AMPH: variants seen among roughly 807,000 people sequenced by gnomAD.
AMPH encodes amphiphysin (Stiff-Mann syndrome with breast cancer 128kD autoantigen).
In AMPH, 49 loss-of-function variants were observed where a neutral mutation model predicts 99.1. The observed-to-expected ratio is 0.49, with a 90% CI of 0.39 to 0.63. AMPH has a LOEUF of 0.63. Ranked by LOEUF, AMPH falls within the 20% of genes least tolerant of loss-of-function variation. The pLI is 0.00. For missense variants in AMPH, 759 were observed against 863.4 expected, an observed-to-expected ratio of 0.88 and a Z score of 1.52; for synonymous variants, 314 against 317.3, an observed-to-expected ratio of 0.99 and a Z score of 0.11.
At chr7:38,515,649 A>C (rs978701248) in intron 2 of AMPH, among the ~76,000 whole-genome samples, 1 of 152,216 alleles carries the variant, frequency 6.6e-6, no homozygotes, top group Admixed American at 6.5e-5. Context: ...GGGCATTGCT[A>C]TAAAGATACC....
At chr7:38,567,928 G>A (rs1791805673) in intron 1 of AMPH, among the ~76,000 whole-genome samples, 1 of 151,906 alleles carries the variant, frequency 6.6e-6, no homozygotes, top group Non-Finnish European at 1.5e-5. Context: ...AATATACCAA[G>A]TATGAATGAA....
intron 12 of AMPH, among the ~76,000 whole-genome samples, chr7:38,434,504 C>T (rs1189137626): frequency 6.6e-6 from 1 of 152,090 alleles, no homozygotes; most frequent in Non-Finnish European, 1.5e-5. Flanking sequence ...CTTTGGGAGG[C>T]CGAGGTGGGC....
chr7:38,576,377 C>T (rs1411997980), intron 1 of AMPH, among the ~76,000 whole-genome samples: 2 of 152,110 alleles, frequency 1.3e-5, no homozygotes. Context: ...CACAACAGTC[C>T]TTCATGTTTG....
At chr7:38,409,393 T>C (rs1187777322) in intron 17 of AMPH, among the ~76,000 whole-genome samples, 2 of 152,152 alleles carry the variant, frequency 1.3e-5, no homozygotes, top group Admixed American at 6.5e-5. Flanking sequence ...AAATAGAAGA[T>C]GATTGGACTA....
chr7:38,502,790 A>G (rs929960662), intron 3 of AMPH, among the ~76,000 whole-genome samples: 4 of 152,174 alleles, frequency 2.6e-5, no homozygotes, highest in Admixed American at 1.3e-4. Context: ...ACCTGGTGCC[A>G]TCCCTACTGA....
intron 1 of AMPH, among the ~76,000 whole-genome samples, chr7:38,615,244 T>C (rs1044111043): frequency 2.0e-5 from 3 of 152,310 alleles, no homozygotes; most frequent in Middle Eastern, 3.4e-3. Flanking sequence ...TAATAGCACC[T>C]ACTTCATAGG....
intron 17 of AMPH, among the ~76,000 whole-genome samples, chr7:38,396,800 G>C (rs1403596316): frequency 2.6e-5 from 4 of 152,212 alleles, no homozygotes; most frequent in African/African-American, 4.8e-5. Flanking sequence ...TCTTAATCCT[G>C]AGAAGAACAA....
intron 7 of AMPH, among the ~76,000 whole-genome samples, chr7:38,472,301 T>C (rs973955427): frequency 4.6e-5 from 7 of 152,178 alleles, no homozygotes; most frequent in Non-Finnish European, 7.4e-5. Context: ...AGAACATATG[T>C]ATTTATGGAA....
intron 1 of AMPH, among the ~76,000 whole-genome samples, chr7:38,543,344 T>A (rs1484746181): frequency 6.6e-6 from 1 of 152,146 alleles, no homozygotes; most frequent in Middle Eastern, 3.2e-3. Context: ...TCCACAAAAC[T>A]CTACCCAGGA....
At chr7:38,611,356 CA>C (rs1027137935) in intron 1 of AMPH, among the ~76,000 whole-genome samples, 5 of 152,166 alleles carry the variant, frequency 3.3e-5, no homozygotes, top group African/African-American at 1.2e-4. Context: ...TTCAGCTTAG[CA>C]AGATGAATAA....
intron 1 of AMPH, among the ~76,000 whole-genome samples, chr7:38,575,138 G>A (rs934707897): frequency 6.7e-6 from 1 of 150,298 alleles, no homozygotes; most frequent in Admixed American, 6.6e-5. Flanking sequence ...CAAGTTTCCT[G>A]TTGCATCTTT....
In AMPH at chr7:38,627,387, C is replaced by A. The variant is rs6978157; in HGVS notation, c.69+3896G>T. On this transcript the variant is annotated intron_variant, in intron 1 of 20. Transcript: ENST00000356264. ...CGAAACCCCGTCTCTACTAAAAATA[C>A]AAAAAAAAAAAAAATTAGCCGGACG... 1.9e-3 allele frequency among the ~76,000 whole-genome samples: 220 copies of A among 116,896 alleles called. 3 individuals carry two copies. The highest frequency in any genetic ancestry group is 1.4e-3 in the Non-Finnish European group (79 of 57,954). 76.7% of individuals were successfully genotyped at this position (116,896 alleles called of 152,430 possible).
At chr7:38,477,039 C>T in intron 5 of AMPH, 70 bp from the exon 6 acceptor site, 1 of 1,385,254 alleles carries the variant, frequency 7.2e-7, no homozygotes, top group Non-Finnish European at 1.0e-6. Context: ...CAGCCAGGTG[C>T]CAAAATGCTT....
intron 15 of AMPH, among the ~76,000 whole-genome samples, chr7:38,425,838 G>A (rs1201863511): frequency 8.5e-5 from 13 of 152,202 alleles, no homozygotes; most frequent in Admixed American, 7.9e-4. Flanking sequence ...GGAGTGTATG[G>A]TGGTCTGAAG....
At chr7:38,389,456 A>G (rs1435792644) in intron 20 of AMPH, among the ~76,000 whole-genome samples, 1 of 152,196 alleles carries the variant, frequency 6.6e-6, no homozygotes, top group Non-Finnish European at 1.5e-5. Context: ...TTCCTCATCA[A>G]TATCCACACA....
At chr7:38,392,444 T>C (rs923297315) in intron 18 of AMPH, among the ~76,000 whole-genome samples, 1 of 130,606 alleles carries the variant, frequency 7.7e-6, no homozygotes, top group Non-Finnish European at 1.6e-5. Context: ...TGGAGTGCAA[T>C]GACGCGATCT....
rs183361712 is a variant in AMPH at position 38,474,786 on chromosome 7, G to A, written c.590+545C>T. On this transcript the variant is annotated intron_variant, in intron 7 of 20. Transcript: ENST00000356264. ...TATTTCAAAATGCACGTAATTCCAC[G>A]AGAAATGCAGAGTAACGTGTAAGTA... 5.3e-5 allele frequency among the ~76,000 whole-genome samples: 8 copies of A among 152,222 alleles called. No individual in the cohort carries two copies. The East Asian group carries it at 7.7e-4, about 15-fold the overall frequency.
chr7:38,412,347 T>C (rs1483027422), intron 17 of AMPH, among the ~76,000 whole-genome samples: 1 of 152,166 alleles, frequency 6.6e-6, no homozygotes, highest in Non-Finnish European at 1.5e-5. Flanking sequence ...GAATCTTGAG[T>C]TCATGTTCAC....
At chr7:38,411,651 A>G (rs896871572) in intron 17 of AMPH, among the ~76,000 whole-genome samples, 43 of 152,266 alleles carry the variant, frequency 2.8e-4, no homozygotes, top group Non-Finnish European at 1.5e-4. Context: ...AAGAGGAGTG[A>G]GCCAGTAAGT....
Sources: gnomAD v4.1 joint callset for allele counts (sites outside exome capture counted in the v4.1 genomes callset) on GRCh38, gnomAD v4.1.1 for gene constraint, MANE v1.5 for transcripts, NCBI Gene and HGNC (gene_info 2026-07-23, HGNC 2026-07-21) for gene names.